Variants in GRM8 observed in about 807,000 individuals in gnomAD.
GRM8 encodes metabotropic glutamate receptor 8.
In GRM8, 47 loss-of-function variants were observed where a neutral mutation model predicts 87.2. The observed-to-expected ratio is 0.54, with a 90% CI of 0.43 to 0.69. The LOEUF is 0.69. Ranked by LOEUF, GRM8 falls within the 30% of genes least tolerant of loss-of-function variation. The pLI is 0.00. For synonymous variants in GRM8, 396 were observed against 404.5 expected, an observed-to-expected ratio of 0.98 and a Z score of 0.25; for missense variants, 1,019 against 1,139.2, an observed-to-expected ratio of 0.89 and a Z score of 1.52.
intron 7 of GRM8, among the ~76,000 whole-genome samples, chr7:126,679,696 A>G (rs1001471654): frequency 2.0e-5 from 3 of 152,166 alleles, no homozygotes; most frequent in African/African-American, 7.2e-5. Context: ...CCCAATCTGT[A>G]GATGCAAGGG....
chr7:127,249,508 A>G (rs960924117), intron 1 of GRM8, among the ~76,000 whole-genome samples: 13 of 152,218 alleles, frequency 8.5e-5, no homozygotes, highest in African/African-American at 2.9e-4. Flanking sequence ...GAGCGTCTCA[A>G]CAGTACCTCT....
intron 2 of GRM8, among the ~76,000 whole-genome samples, chr7:127,161,990 C>A (rs1399094422): frequency 6.6e-6 from 1 of 152,162 alleles, no homozygotes; most frequent in African/African-American, 2.4e-5. Flanking sequence ...ACATGCTGAT[C>A]ACAGGGATGT....
chr7:126,477,117 C>T (rs1592426), intron 9 of GRM8, among the ~76,000 whole-genome samples: 94,419 of 151,948 alleles, frequency 0.62, 30,059 homozygotes, highest in African/African-American at 0.77. Context: ...GAGAACATTA[C>T]GCTAAGTGAA....
intron 7 of GRM8, among the ~76,000 whole-genome samples, chr7:126,756,873 T>G (rs1388490388): frequency 2.0e-5 from 3 of 152,108 alleles, no homozygotes; most frequent in Non-Finnish European, 4.4e-5. Context: ...TTAAAACTGC[T>G]CTACAAAATG....
chr7:126,719,110 CTG>C (rs1812086315), intron 7 of GRM8, among the ~76,000 whole-genome samples: 1 of 152,104 alleles, frequency 6.6e-6, no homozygotes, highest in African/African-American at 2.4e-5. Flanking sequence ...TATTAAAGCT[CTG>C]TGAACTCCAG....
chr7:126,591,825 A>T (rs898960855), intron 8 of GRM8, among the ~76,000 whole-genome samples: 1 of 151,800 alleles, frequency 6.6e-6, no homozygotes, highest in South Asian at 2.1e-4. Context: ...ACTAGAAAAG[A>T]TCAACAAAAC....
At chr7:126,838,252 G>GA (rs998763283) in intron 6 of GRM8, among the ~76,000 whole-genome samples, 1 of 151,422 alleles carries the variant, frequency 6.6e-6, no homozygotes, top group Admixed American at 6.6e-5. Flanking sequence ...CATCTTGGGG[G>GA]AAAAAAAAGA....
chr7:126,449,619 T>A (rs1802400092), intron 9 of GRM8, among the ~76,000 whole-genome samples: 1 of 151,832 alleles, frequency 6.6e-6, no homozygotes, highest in East Asian at 1.9e-4. Context: ...CTCACTTCAA[T>A]GTAGACAGAA....
chr7:126,556,041 C>G (rs1278477028), intron 8 of GRM8, among the ~76,000 whole-genome samples: 1 of 152,156 alleles, frequency 6.6e-6, no homozygotes, highest in Non-Finnish European at 1.5e-5. Context: ...TGAGCACTTT[C>G]TTACCCTTAC....
chr7:126,683,052 A>C (rs528019054), intron 7 of GRM8, among the ~76,000 whole-genome samples: 13 of 152,316 alleles, frequency 8.5e-5, no homozygotes, highest in South Asian at 4.1e-4. Context: ...CTGTCTCAAA[A>C]AAAACAAAAC....
intron 7 of GRM8, among the ~76,000 whole-genome samples, chr7:126,757,996 G>A (rs1817200640): frequency 6.6e-6 from 1 of 152,104 alleles, no homozygotes; most frequent in African/African-American, 2.4e-5. Flanking sequence ...AAACTAAAAA[G>A]TCTAAACCTT....
At chr7:126,594,520 A>G (rs998561117) in intron 8 of GRM8, among the ~76,000 whole-genome samples, 9 of 152,078 alleles carry the variant, frequency 5.9e-5, no homozygotes, top group African/African-American at 9.7e-5. Context: ...TCACTCATAT[A>G]TGGAATCTAG....
chr7:127,067,897 T>C (rs1821290585), intron 3 of GRM8, among the ~76,000 whole-genome samples: 1 of 152,162 alleles, frequency 6.6e-6, no homozygotes, highest in Admixed American at 6.5e-5. Flanking sequence ...AAAACTTGAA[T>C]TTAAACAAAG....
intron 3 of GRM8, among the ~76,000 whole-genome samples, chr7:126,919,278 T>A (rs1393840586): frequency 6.6e-6 from 1 of 152,154 alleles, no homozygotes; most frequent in Non-Finnish European, 1.5e-5. Context: ...CAGGATGATG[T>A]CAAGATGCCT....
intron 6 of GRM8, among the ~76,000 whole-genome samples, chr7:126,780,521 C>A (rs1396041567): frequency 6.6e-6 from 1 of 152,106 alleles, no homozygotes; most frequent in Non-Finnish European, 1.5e-5. Flanking sequence ...CAAAAACTGA[C>A]CTACTCCTTG....
chr7:126,674,525 T>C (rs1376520063), intron 7 of GRM8, among the ~76,000 whole-genome samples: 4 of 152,304 alleles, frequency 2.6e-5, no homozygotes, highest in East Asian at 1.9e-4. Flanking sequence ...AAATCTATTA[T>C]ACTATAAGAA....
intron 6 of GRM8, among the ~76,000 whole-genome samples, chr7:126,775,025 G>C (rs2299516): frequency 0.36 from 55,167 of 151,940 alleles, 11,532 homozygotes; most frequent in Non-Finnish European, 0.47. Context: ...CTTAATTCTG[G>C]GGAAATCAAA....
chr7:126,930,972 G>T (rs898676540), intron 3 of GRM8, among the ~76,000 whole-genome samples: 1 of 152,122 alleles, frequency 6.6e-6, no homozygotes, highest in Non-Finnish European at 1.5e-5. Flanking sequence ...CAGGCTCACT[G>T]CTTGGTGCAG....
At position 126,585,171 on chromosome 7, in the gene GRM8, A is replaced by G. The variant is rs557459486; in HGVS notation, c.1494+24191T>C. Among the ~76,000 whole-genome samples the G allele has an allele frequency of 9.8e-5, 15 of 152,290 alleles. No homozygotes were observed. In the South Asian group the frequency reaches 2.9e-3, roughly 29 times the overall value. On this transcript the variant is annotated intron_variant, in intron 8 of 10. Transcript: ENST00000339582. Reference sequence around the variant, plus strand: ...TAAGCAGAAAAATACATTCTAACCTAATTTTCAATATCTGAAATAAATAAT... The same window carrying G: ...TAAGCAGAAAAATACATTCTAACCTGATTTTCAATATCTGAAATAAATAAT...
Sources: gnomAD v4.1 joint callset for allele counts (sites outside exome capture counted in the v4.1 genomes callset) on GRCh38, gnomAD v4.1.1 for gene constraint, MANE v1.5 for transcripts, NCBI Gene and HGNC (gene_info 2026-07-23, HGNC 2026-07-21) for gene names.